The following CCDC24 variants were observed in gnomAD, a reference collection of about 807,000 sequenced individuals.
CCDC24 encodes the protein coiled-coil domain containing 24, also known as coiled-coil domain-containing protein 24.
A neutral mutation model predicts 31.6 loss-of-function variants in CCDC24; 34 were observed. The observed-to-expected ratio is 1.08, with a 90% CI of 0.82 to 1.43. The LOEUF (loss-of-function observed/expected upper bound fraction) is 1.43. CCDC24 is among the 40% of genes most tolerant of loss of function. The probability of loss-of-function intolerance (pLI) is 0.00; values close to 1 mark genes in which losing one functional copy is unlikely to be tolerated. For synonymous variants in CCDC24, 175 were observed against 157.3 expected, an observed-to-expected ratio of 1.11 and a Z score of -0.84; for missense variants, 426 against 391.1, an observed-to-expected ratio of 1.09 and a Z score of -0.75.
At chr1:43,992,124 T>C in intron 2 of CCDC24, 88 bp from the exon 3 acceptor site, 1 of 1,517,824 alleles carries the variant, frequency 6.6e-7, no homozygotes, top group Non-Finnish European at 8.9e-7. Context: ...GTCTCCCCTT[T>C]GACTCCGCCC....
Position 43,995,256 on chromosome 1 carries a change from G to A in CCDC24, c.552+94G>A, listed in dbSNP as rs762001301. Reference sequence around the variant, plus strand: ...CATGTACCTGTGTGCATACATAGGTGCATGTACAGGCTATGTGAGTCCTGC... The same window carrying A: ...CATGTACCTGTGTGCATACATAGGTACATGTACAGGCTATGTGAGTCCTGC... On this transcript the variant is annotated intron_variant, in intron 6 of 8. Coordinates refer to ENST00000372318, the MANE Select transcript of CCDC24 (RefSeq NM_152499.4). The surrounding 1 kb of genome is among the most constrained non-coding windows in gnomAD (Gnocchi z 4.3). 11 of 1,201,848 alleles carry A rather than the reference G, an allele frequency of 9.2e-6. No homozygotes were observed. In the East Asian group the frequency reaches 2.3e-4, roughly 25 times the overall value. 74.4% of individuals were successfully genotyped at this position (1,201,848 alleles called of 1,614,324 possible).
At position 43,996,317 on chromosome 1, in the gene CCDC24, C is replaced by T. The variant is rs2085858302; in HGVS notation, c.*157C>T. ...GTCTGTCTGGCCCTTGCCCCACCCC[C>T]TTGCCAGATCCCTGGTGTCTGGAGC... On this transcript the variant is annotated 3_prime_UTR_variant, in exon 9 of 9. Coordinates refer to ENST00000372318, the MANE Select transcript of CCDC24 (RefSeq NM_152499.4). 1.4e-5 allele frequency: 9 copies of T among 658,816 alleles called. No homozygotes were observed. The South Asian group carries it at 1.7e-4, about 12-fold the overall frequency. 40.8% of individuals were successfully genotyped at this position (658,816 alleles called of 1,614,324 possible).
At chr1:43,991,804 G>A (rs1198217732) in intron 1 of CCDC24, 43 bp from the exon 2 acceptor site, 2 of 1,531,970 alleles carry the variant, frequency 1.3e-6, no homozygotes, top group Non-Finnish European at 1.8e-6. Context: ...AGCGTTGCCG[G>A]CGGGCCCGCG....
rs1423911933 is a variant in CCDC24 at position 43,996,366 on chromosome 1, A to G, written c.*206A>G. ...GCTGAGTGGCCGGGCATCGGTCCCA[A>G]GCATCAAAGCCTTTGGCCTTTCTCC... On this transcript the variant is annotated 3_prime_UTR_variant, in exon 9 of 9. Coordinates refer to ENST00000372318, the MANE Select transcript of CCDC24 (RefSeq NM_152499.4). 5.5e-6 allele frequency: 3 copies of G among 549,644 alleles called. No individual in the cohort carries two copies. Among genetic ancestry groups the G allele is most frequent in the Non-Finnish European group, 9.5e-6 (3 of 314,422 alleles). 34.0% of individuals were successfully genotyped at this position (549,644 alleles called of 1,614,324 possible).
intron 2 of CCDC24, 74 bp from the exon 3 acceptor site, chr1:43,992,138 C>A (rs780977445): frequency 2.6e-6 from 4 of 1,522,148 alleles, no homozygotes; most frequent in South Asian, 1.2e-5. Flanking sequence ...TCCGCCCTCT[C>A]CCTCACTCCC....
chr1:43,992,435 G>C, intron 3 of CCDC24, 48 bp downstream of exon 3: 1 of 1,612,958 alleles, frequency 6.2e-7, no homozygotes, highest in Non-Finnish European at 8.5e-7. Context: ...AGGTGGGCTA[G>C]CGCTGCCCCT....
Position 43,995,913 on chromosome 1 carries a change from C to T in CCDC24, c.702-25C>T, listed in dbSNP as rs372658274. On this transcript the variant is annotated intron_variant, in intron 8 of 8. Transcript: ENST00000372318. This position sits in a 1 kb window ranked among gnomAD's most constrained non-coding sequence, Gnocchi z 4.3. ...GGACTGAAGGATCAGACCACCACCC[C>T]TCACAGTTACTCTTTCTTGTCCAGG... 6.2e-7 allele frequency: 1 copy of T among 1,613,716 alleles called. No individual in the cohort carries two copies. The highest frequency in any genetic ancestry group is 1.3e-5 in the African/African-American group (1 of 74,922).
chr1:43,994,278 T>G (rs920460714), intron 5 of CCDC24: 7 of 369,944 alleles, frequency 1.9e-5, no homozygotes, highest in Admixed American at 3.8e-5. Flanking sequence ...AAACCCCATC[T>G]CTACCAAAAC....
In CCDC24 at chr1:43,995,088, G is replaced by C. The variant is rs370365930; in HGVS notation, c.498-20G>C. On this transcript the variant is annotated intron_variant, in intron 5 of 8. Coordinates refer to ENST00000372318, the MANE Select transcript of CCDC24 (RefSeq NM_152499.4). The surrounding 1 kb of genome is among the most constrained non-coding windows in gnomAD (Gnocchi z 4.3). ...TGGTCCTGTGTCTCGGGTTCTGGCT[G>C]CTGCTCCCTCATGTCCCAGGGGCCT... The C allele has an allele frequency of 2.7e-5, 42 of 1,569,560 alleles. No individual in the cohort carries two copies. The highest frequency in any genetic ancestry group is 3.5e-5 in the Non-Finnish European group (41 of 1,157,952).
At position 43,992,711 on chromosome 1, in the gene CCDC24, C is replaced by T. The variant is rs2085769504; in HGVS notation, c.419+72C>T. The T allele has an allele frequency of 2.2e-6, 3 of 1,389,928 alleles. No individual in the cohort carries two copies. In the Admixed American group the frequency reaches 5.1e-5, roughly 24 times the overall value. The allele number at this position is 1,389,928 out of a possible 1,614,324, so 86.1% of individuals were successfully genotyped here. On this transcript the variant is annotated intron_variant, in intron 4 of 8. Transcript: ENST00000372318. ...GCCCTAGCCCACTGGTGGGTTGCAC[C>T]TGGCTCCATGCAGGAGATTCCAGTC... is the stretch of plus-strand genomic sequence containing the variant.
In CCDC24 at chr1:43,995,362, G is replaced by C. The variant is rs76693587; in HGVS notation, c.552+200G>C. 2,560 of 718,636 alleles carry C rather than the reference G, an allele frequency of 3.6e-3. 51 individuals are homozygous for C. In the African/African-American group the frequency reaches 0.041, roughly 12 times the overall value. 44.5% of individuals were successfully genotyped at this position (718,636 alleles called of 1,614,324 possible). On this transcript the variant is annotated intron_variant, in intron 6 of 8. Coordinates refer to ENST00000372318, the MANE Select transcript of CCDC24 (RefSeq NM_152499.4). This position sits in a 1 kb window ranked among gnomAD's most constrained non-coding sequence, Gnocchi z 4.3. ...GATTCTAGTTGAGCCCTTAAGGCCA[G>C]GGCCAACCGTTTTAGGTCTTTTGCC...
Position 43,992,544 on chromosome 1 carries a change from C to A in CCDC24, c.324C>A (p.Val108=). ...CEGRDQAQAW[V]QYSPRVLHFA... is the part of the protein sequence containing the mutation. ...GCAGGGACCAGGCCCAAGCTTGGGT[C>A]CAGTATAGCCCCAGGGTCCTGCACT... is the stretch of plus-strand genomic sequence containing the variant. The change falls in exon 4 of 9, where the codon GTC becomes GTA. Residue 108 remains valine, a synonymous_variant. Transcript: ENST00000372318. The A allele has an allele frequency of 6.2e-7, 1 of 1,614,248 alleles. No homozygotes were observed. Among genetic ancestry groups the A allele is most frequent in the Non-Finnish European group, 8.5e-7 (1 of 1,180,042 alleles).
At position 43,991,923 on chromosome 1, in the gene CCDC24, C is replaced by G; in HGVS notation, c.45C>G (p.His15Gln). 6.5e-7 allele frequency: 1 copy of G among 1,546,576 alleles called. No individual in the cohort carries two copies. Among genetic ancestry groups the G allele is most frequent in the Non-Finnish European group, 8.7e-7 (1 of 1,143,646 alleles). ...CGCTGTGGGAGCTGGTGGAGGAGCACGTTCCGCTCCGGGAGCGACGCGAAG... is the reference window on the plus strand; with the variant it reads ...CGCTGTGGGAGCTGGTGGAGGAGCAGGTTCCGCTCCGGGAGCGACGCGAAG... ...SPSLWELVEE[H>Q]VPLRERREVK... The change falls in exon 2 of 9, where the codon CAC becomes CAG. Residue 15 changes from histidine to glutamine, a missense_variant. His to Gln is a conservative substitution (Grantham distance 24). Transcript: ENST00000372318.
intron 2 of CCDC24, 98 bp from the exon 3 acceptor site, chr1:43,992,114 G>T (rs754056940): frequency 3.7e-5 from 56 of 1,514,498 alleles, no homozygotes; most frequent in Non-Finnish European, 5.0e-5. Flanking sequence ...TCCTATCCTG[G>T]TCTCCCCTTT....
chr1:43,991,819 C>G, intron 1 of CCDC24, 28 bp from the exon 2 acceptor site: 7 of 1,541,122 alleles, frequency 4.5e-6, no homozygotes, highest in Non-Finnish European at 6.1e-6. Context: ...CCCGCGGTAC[C>G]TCCCGCACTC....
chr1:43,992,634 G>GC lies in CCDC24; in HGVS notation c.417dup (p.Ser140GlnfsTer20). 6.2e-7 allele frequency: 1 copy of GC among 1,614,046 alleles called. No homozygotes were observed. The highest frequency in any genetic ancestry group is 8.5e-7 in the Non-Finnish European group (1 of 1,179,890). ...AGATATTCCAGATGAGAGGTGGTGG[G>GC]CCCAGGTAAGGTGATGGTAGGAGAG... On this transcript the variant is annotated frameshift_variant, in exon 4 of 9. Coordinates refer to ENST00000372318, the MANE Select transcript of CCDC24 (RefSeq NM_152499.4). LOFTEE classifies it high-confidence loss of function.
At chr1:43,994,578 C>T in intron 5 of CCDC24, 1 of 160,620 alleles carries the variant, frequency 6.2e-6, no homozygotes, top group Non-Finnish European at 1.4e-5. Context: ...GTAGCTGGGA[C>T]TACAGATGCC....
chr1:43,993,979 C>T lies in CCDC24; in HGVS notation c.497+15C>T. 1 of 1,609,656 alleles carries T rather than the reference C, an allele frequency of 6.2e-7. No individual in the cohort carries two copies. ...AGACACCTGAGGTGAGGCCCAGGGG[C>T]ACCTGCATGTGTATAGGCAGGGGTG... On this transcript the variant is annotated intron_variant, in intron 5 of 8. Coordinates refer to ENST00000372318, the MANE Select transcript of CCDC24 (RefSeq NM_152499.4).
Position 43,991,675 on chromosome 1 carries a change from A to G in CCDC24, c.-104A>G, listed in dbSNP as rs1472649627. The G allele has an allele frequency of 8.0e-6, 6 of 748,468 alleles. No individual in the cohort carries two copies. In the East Asian group the frequency reaches 1.3e-4, roughly 17 times the overall value. The allele number at this position is 748,468 out of a possible 1,614,324, so 46.4% of individuals were successfully genotyped here. A position where few individuals can be genotyped will look rare whatever the true frequency, so the allele number is the denominator to read the frequency against. On this transcript the variant is annotated 5_prime_UTR_variant, in exon 1 of 9. Transcript: ENST00000372318. ...CATCCGAGTCGGCCAAAAGCCGGGC[A>G]GAAGAGAGCGCCAAGGACTGGCAGT...
Sources: gnomAD v4.1 joint callset for allele counts on GRCh38, gnomAD v4.1.1 for gene constraint, Gnocchi (gnomAD v3.1) non-coding constraint, MANE v1.5 for transcripts, NCBI Gene and HGNC (gene_info 2026-07-23, HGNC 2026-07-21) for gene names.